The following LARP1 variants were observed in gnomAD, a reference collection of about 807,000 sequenced individuals.
The protein encoded by LARP1 is la-related protein 1.
A neutral mutation model predicts 122.7 loss-of-function variants in LARP1; 36 were observed. The observed-to-expected ratio is 0.29, with a 90% confidence interval of 0.22 to 0.39. The LOEUF is 0.39. LARP1 is among the 10% of genes least tolerant of loss of function. LARP1 has a pLI of 1.00. For synonymous variants in LARP1, 539 were observed against 528.7 expected (o/e 1.02, Z -0.27); for missense variants, 1,040 against 1,403.6 (o/e 0.74, Z 4.14).
At chr5:154,719,218 G>C (rs1006831317) in intron 1 of LARP1, among the ~76,000 whole-genome samples, 38 of 152,144 alleles carry the variant, frequency 2.5e-4, no homozygotes, top group African/African-American at 9.2e-4. Flanking sequence ...TCCTGTCCCA[G>C]TTTCCTGTCT....
chr5:154,705,313 T>C (rs1229526117), intron 1 of LARP1, among the ~76,000 whole-genome samples: 1 of 152,174 alleles, frequency 6.6e-6, no homozygotes, highest in African/African-American at 2.4e-5. Flanking sequence ...AGTCTGAAGA[T>C]AGTGAGTTAT....
chr5:154,737,200 C>G (rs113083572), intron 1 of LARP1, among the ~76,000 whole-genome samples: 3 of 151,926 alleles, frequency 2.0e-5, no homozygotes, highest in African/African-American at 7.2e-5. Context: ...ACCACCACAC[C>G]GTGCTAATTT....
chr5:154,762,359 G>T (rs1163219884), intron 1 of LARP1, among the ~76,000 whole-genome samples: 1 of 152,136 alleles, frequency 6.6e-6, no homozygotes, highest in Non-Finnish European at 1.5e-5. Flanking sequence ...TCACTCTGAG[G>T]GTTTATCTGT....
At chr5:154,807,843 C>T (rs150265388) in intron 15 of LARP1, among the ~76,000 whole-genome samples, 10 of 152,338 alleles carry the variant, frequency 6.6e-5, no homozygotes, top group East Asian at 3.9e-4. Flanking sequence ...CGTGAGCAAC[C>T]TTGCCCAGCC....
chr5:154,697,351 T>A (rs1754515139), intron 1 of LARP1, among the ~76,000 whole-genome samples: 1 of 152,166 alleles, frequency 6.6e-6, no homozygotes, highest in Admixed American at 6.6e-5. Context: ...ACACATCCTG[T>A]CAGCATAAGG....
intron 1 of LARP1, among the ~76,000 whole-genome samples, chr5:154,777,434 T>A (rs1231701624): frequency 6.6e-6 from 1 of 151,556 alleles, no homozygotes; most frequent in Non-Finnish European, 1.5e-5. Flanking sequence ...GGTGGGAGAA[T>A]CAACTGAATC....
At chr5:154,805,014 C>T (rs1758648274) in intron 14 of LARP1, 4 of 427,952 alleles carry the variant, frequency 9.3e-6, no homozygotes, top group Middle Eastern at 4.7e-4. Flanking sequence ...GAAGCCTTAC[C>T]AATAACATAT....
intron 16 of LARP1, among the ~76,000 whole-genome samples, chr5:154,809,652 T>A (rs1759089780): frequency 6.7e-6 from 1 of 148,690 alleles, no homozygotes; most frequent in Non-Finnish European, 1.5e-5. Flanking sequence ...GATAATGTAT[T>A]ATTGTAAGCA....
chr5:154,817,604 A>C lies in LARP1; in HGVS notation c.*3508A>C, dbSNP rs1759757871. 1 of 152,630 alleles carries C rather than the reference A, an allele frequency of 6.6e-6. No individual in the cohort carries two copies. The highest frequency in any genetic ancestry group is 6.5e-5 in the Admixed American group (1 of 15,282). 9.5% of individuals were successfully genotyped at this position (152,630 alleles called of 1,614,324 possible). A position where few individuals can be genotyped will look rare whatever the true frequency, so the allele number is the denominator to read the frequency against. Reference sequence around the variant, plus strand: ...TAAAAATAAACACTTGAAAAGGCAAAATACTGGCTGGTCTTCCATCTAGGT... The same window carrying C: ...TAAAAATAAACACTTGAAAAGGCAACATACTGGCTGGTCTTCCATCTAGGT... On this transcript the variant is annotated 3_prime_UTR_variant, in exon 19 of 19. Coordinates refer to ENST00000518297, the MANE Select transcript of LARP1 (RefSeq NM_033551.3).
rs771940063 is a variant in LARP1, at chr5:154,792,629, C to A, written c.572C>A (p.Ser191Tyr). Residue 191 changes from serine to tyrosine, a missense_variant, in exon 4 of 19, where the codon TCC becomes TAC. Ser to Tyr is a moderately radical substitution (Grantham distance 144). This residue lies in a region of LARP1 where 257 missense variants were observed against 273.3 expected (regional missense o/e 0.94). Transcript: ENST00000518297. The stretch of plus-strand genomic sequence containing the variant: ...CTTTACTTCCTGCTATAGCCACAGT[C>A]CCACAAGCCTCAGCCTACCCGTAAA... ...EIAHKSVQPQ[S>Y]HKPQPTRKLP... 5 of 1,613,862 alleles carry A rather than the reference C, an allele frequency of 3.1e-6. No individual in the cohort carries two copies. Among genetic ancestry groups the A allele is most frequent in the Non-Finnish European group, 1.7e-6 (2 of 1,179,926 alleles).
intron 1 of LARP1, among the ~76,000 whole-genome samples, chr5:154,749,655 C>T (rs754301021): frequency 1.7e-4 from 26 of 152,154 alleles, no homozygotes; most frequent in South Asian, 4.1e-4. Flanking sequence ...TTGAAAAACA[C>T]TCCTCAGCTG....
intron 1 of LARP1, among the ~76,000 whole-genome samples, chr5:154,688,650 T>C (rs1754046506): frequency 3.2e-5 from 1 of 30,994 alleles, no homozygotes; most frequent in South Asian, 8.8e-4. Flanking sequence ...GAAGACTCCA[T>C]CTCAAAAAAA....
At chr5:154,747,611 C>T (rs1347518655) in intron 1 of LARP1, among the ~76,000 whole-genome samples, 1 of 151,950 alleles carries the variant, frequency 6.6e-6, no homozygotes, top group African/African-American at 2.4e-5. Context: ...GCAGGAGAAT[C>T]GCTTGAACCT....
At chr5:154,726,039 C>T (rs925274296) in intron 1 of LARP1, among the ~76,000 whole-genome samples, 1 of 151,940 alleles carries the variant, frequency 6.6e-6, no homozygotes, top group Non-Finnish European at 1.5e-5. Context: ...GGGTTATCTC[C>T]ATGTTGCCCA....
intron 1 of LARP1, among the ~76,000 whole-genome samples, chr5:154,690,049 T>A (rs1754120413): frequency 1.3e-5 from 2 of 148,698 alleles, no homozygotes; most frequent in Admixed American, 1.3e-4. Flanking sequence ...TCCAAAAAAA[T>A]TAAAATTTAA....
At chr5:154,725,070 C>A (rs1756119256) in intron 1 of LARP1, among the ~76,000 whole-genome samples, 2 of 151,720 alleles carry the variant, frequency 1.3e-5, no homozygotes, top group Non-Finnish European at 2.9e-5. Flanking sequence ...TATAGTGAGA[C>A]CTTGTCTCTA....
At chr5:154,691,853 G>A (rs1233886102) in intron 1 of LARP1, among the ~76,000 whole-genome samples, 1 of 150,726 alleles carries the variant, frequency 6.6e-6, no homozygotes, top group Non-Finnish European at 1.5e-5. Context: ...AAAGTGGCGC[G>A]ATCTCGGCTC....
At chr5:154,783,169 TG>T (rs1425936897) in intron 1 of LARP1, among the ~76,000 whole-genome samples, 1 of 152,154 alleles carries the variant, frequency 6.6e-6, no homozygotes, top group Non-Finnish European at 1.5e-5. Flanking sequence ...TCCTTATATC[TG>T]GGGGCTGAGG....
chr5:154,774,964 A>G (rs1251289825), intron 1 of LARP1, among the ~76,000 whole-genome samples: 3 of 152,152 alleles, frequency 2.0e-5, no homozygotes, highest in Non-Finnish European at 4.4e-5. Context: ...TCAGGGAAAA[A>G]AAGAAAAACA....
Sources: allele counts gnomAD v4.1 joint callset (sites outside exome capture counted in the v4.1 genomes callset), GRCh38; gene constraint gnomAD v4.1.1; regional missense constraint gnomAD v4.1.1; transcripts MANE v1.5; gene names NCBI Gene and HGNC (gene_info 2026-07-23, HGNC 2026-07-21).